Variants in SLC39A11 observed in about 807,000 individuals in gnomAD.
The protein encoded by SLC39A11 is zinc transporter ZIP11.
A neutral mutation model predicts 36.1 loss-of-function variants in SLC39A11; 33 were observed. The ratio of observed to expected loss-of-function variants is 0.91; its 90% CI spans 0.69 to 1.22. The LOEUF is 1.22. SLC39A11 is among the 50% of genes most tolerant of loss of function. The probability of loss-of-function intolerance (pLI) is 0.00; values close to 1 mark genes in which losing one functional copy is unlikely to be tolerated. For missense variants in SLC39A11, 432 were observed against 430.3 expected, an observed-to-expected ratio of 1.00 and a Z score of -0.03; for synonymous variants, 166 against 170.3, an observed-to-expected ratio of 0.97 and a Z score of 0.20.
rs1453584121 is a variant in SLC39A11, at chr17:72,648,831, C to T, written c.901G>A (p.Asp301Asn). 6.2e-7 allele frequency: 1 copy of T among 1,614,202 alleles called. No homozygotes were observed. Among genetic ancestry groups the T allele is most frequent in the Admixed American group, 1.7e-5 (1 of 60,024 alleles). The change falls in exon 9 of 10, where the codon GAC becomes AAC. Residue 301 changes from aspartate to asparagine, a missense_variant. Asp to Asn is a conservative substitution (Grantham distance 23). Transcript: ENST00000255559. ...AAGAMVYVVM[D>N]DIIPEAQISG... is the part of the protein sequence containing the mutation. ...ATCTGGGCTTCGGGGATGATGTCGT[C>T]CATGACCACGTAGACCATGGCACCG...
intron 4 of SLC39A11, among the ~76,000 whole-genome samples, chr17:73,019,918 T>C (rs1298663041): frequency 6.6e-6 from 1 of 152,150 alleles, no homozygotes; most frequent in Admixed American, 6.5e-5. Context: ...GAAGAAGATA[T>C]ACCAAGGAAA....
intron 6 of SLC39A11, among the ~76,000 whole-genome samples, chr17:72,741,017 G>A (rs2074672330): frequency 6.6e-6 from 1 of 152,030 alleles, no homozygotes; most frequent in South Asian, 2.1e-4. Flanking sequence ...CAGGTGATCT[G>A]TCCGCTTTGG....
At chr17:72,760,293 G>C (rs912790197) in intron 6 of SLC39A11, among the ~76,000 whole-genome samples, 13 of 152,252 alleles carry the variant, frequency 8.5e-5, no homozygotes, top group African/African-American at 3.1e-4. Flanking sequence ...CTCCCAAAGT[G>C]CTGGGACTAC....
At chr17:72,954,392 C>T (rs1256211760) in intron 4 of SLC39A11, among the ~76,000 whole-genome samples, 1 of 152,224 alleles carries the variant, frequency 6.6e-6, no homozygotes, top group Non-Finnish European at 1.5e-5. Context: ...CTGCCAGCTA[C>T]AGCTACATGG....
chr17:73,003,076 G>A (rs958261410), intron 4 of SLC39A11, among the ~76,000 whole-genome samples: 3 of 152,208 alleles, frequency 2.0e-5, no homozygotes, highest in African/African-American at 4.8e-5. Context: ...CAGAGATTAG[G>A]ACCTGAGTAT....
intron 3 of SLC39A11, among the ~76,000 whole-genome samples, chr17:73,048,252 T>C (rs1287372592): frequency 6.6e-6 from 1 of 152,004 alleles, no homozygotes; most frequent in Non-Finnish European, 1.5e-5. Flanking sequence ...GTGTGCTCAA[T>C]GCTTAGCTCC....
intron 6 of SLC39A11, among the ~76,000 whole-genome samples, chr17:72,810,350 T>A (rs1224835264): frequency 1.3e-5 from 2 of 152,264 alleles, no homozygotes; most frequent in South Asian, 2.1e-4. Context: ...CACCCAAGCA[T>A]CCATTCACAG....
chr17:72,883,319 G>A (rs928945469), intron 5 of SLC39A11, among the ~76,000 whole-genome samples: 4 of 152,180 alleles, frequency 2.6e-5, no homozygotes, highest in Non-Finnish European at 5.9e-5. Flanking sequence ...TGTTTTCTCA[G>A]TATGCTTCCT....
chr17:72,891,438 G>A (rs2081740026), intron 5 of SLC39A11, among the ~76,000 whole-genome samples: 1 of 152,060 alleles, frequency 6.6e-6, no homozygotes. Context: ...AGACTTGGAA[G>A]GACCTGAAGA....
intron 6 of SLC39A11, among the ~76,000 whole-genome samples, chr17:72,799,911 C>A (rs2145207261): frequency 6.6e-6 from 1 of 151,712 alleles, no homozygotes; most frequent in Admixed American, 6.6e-5. Context: ...GTTCTTACAC[C>A]CCCTCCCCTT....
chr17:72,820,064 C>A (rs149536148), intron 6 of SLC39A11, among the ~76,000 whole-genome samples: 1 of 151,196 alleles, frequency 6.6e-6, no homozygotes, highest in African/African-American at 2.4e-5. Flanking sequence ...ACAACGAGCA[C>A]GCCAAAGCCA....
At chr17:73,081,910 A>G (rs2060549642) in intron 3 of SLC39A11, among the ~76,000 whole-genome samples, 1 of 151,286 alleles carries the variant, frequency 6.6e-6, no homozygotes, top group East Asian at 1.9e-4. Context: ...CATAAGCGGG[A>G]GCTAAGCTAG....
chr17:72,782,945 T>A (rs1278965337), intron 6 of SLC39A11, among the ~76,000 whole-genome samples: 2 of 137,002 alleles, frequency 1.5e-5, no homozygotes, highest in Non-Finnish European at 3.0e-5. Flanking sequence ...GAGATTGCGG[T>A]GAGCTGAGAT....
intron 5 of SLC39A11, among the ~76,000 whole-genome samples, chr17:72,910,418 G>A (rs1317998768): frequency 6.6e-6 from 1 of 152,116 alleles, no homozygotes; most frequent in Non-Finnish European, 1.5e-5. Context: ...GAGGTCAGAA[G>A]TTTGAGACCA....
chr17:72,709,669 C>A (rs1006593183), intron 7 of SLC39A11, among the ~76,000 whole-genome samples: 1 of 152,218 alleles, frequency 6.6e-6, no homozygotes, highest in Admixed American at 6.5e-5. Flanking sequence ...AGAGAGAGAA[C>A]TTTCCAGGTT....
chr17:72,781,412 G>A (rs1022983175), intron 6 of SLC39A11, among the ~76,000 whole-genome samples: 14 of 150,354 alleles, frequency 9.3e-5, no homozygotes, highest in African/African-American at 3.4e-4. Flanking sequence ...TGTTTCTTTT[G>A]GTTTTTTTTT....
At chr17:72,922,064 C>T (rs1326258884) in intron 5 of SLC39A11, among the ~76,000 whole-genome samples, 1 of 152,148 alleles carries the variant, frequency 6.6e-6, no homozygotes, top group Non-Finnish European at 1.5e-5. Flanking sequence ...GTCTGAAAGC[C>T]TCCACACCAG....
At chr17:72,971,313 C>CACAT (rs899881238) in intron 4 of SLC39A11, among the ~76,000 whole-genome samples, 7 of 149,276 alleles carry the variant, frequency 4.7e-5, no homozygotes, top group African/African-American at 1.8e-4. Context: ...CCTCCACACA[C>CACAT]ACATACACAC....
At chr17:73,013,625 C>G (rs1389517399) in intron 4 of SLC39A11, among the ~76,000 whole-genome samples, 1 of 152,206 alleles carries the variant, frequency 6.6e-6, no homozygotes, top group Non-Finnish European at 1.5e-5. Flanking sequence ...GCAGGTGGCC[C>G]AGGACGGCTT....
Sources: gnomAD v4.1 joint callset for allele counts (sites outside exome capture counted in the v4.1 genomes callset) on GRCh38, gnomAD v4.1.1 for gene constraint, MANE v1.5 for transcripts, NCBI Gene and HGNC (gene_info 2026-07-23, HGNC 2026-07-21) for gene names.